Variants in LRRC2 observed in about 807,000 individuals in gnomAD.
LRRC2 encodes the protein leucine rich repeat containing 2, also known as leucine-rich repeat-containing protein 2.
Under a neutral mutation model 40.2 loss-of-function variants are expected in LRRC2, and 27 were observed. The observed-to-expected ratio is 0.67, with a 90% CI of 0.49 to 0.93. The LOEUF (loss-of-function observed/expected upper bound fraction) is 0.93, where lower values mean the gene tolerates loss of function less well. Ranked by LOEUF, LRRC2 falls within the 40% of genes least tolerant of loss-of-function variation. The pLI is 0.00. For missense variants in LRRC2, 402 were observed against 439.6 expected (o/e 0.91, Z 0.76); for synonymous variants, 147 against 158.9 (o/e 0.92, Z 0.56).
chr3:46,553,318 G>C (rs1184831736), intron 1 of LRRC2, among the ~76,000 whole-genome samples: 1 of 152,198 alleles, frequency 6.6e-6, no homozygotes, highest in African/African-American at 2.4e-5. Context: ...GCAAAGTCTT[G>C]CTAAATCCAT....
intron 4 of LRRC2, 21 bp downstream of exon 4, chr3:46,539,024 A>T: frequency 6.2e-7 from 1 of 1,610,670 alleles, no homozygotes; most frequent in East Asian, 2.2e-5. Flanking sequence ...AGGCCCGAAG[A>T]CCCCTGCTAA....
intron 2 of LRRC2, among the ~76,000 whole-genome samples, chr3:46,547,653 C>T (rs9846499): frequency 0.46 from 68,888 of 150,894 alleles, 16,273 homozygotes; most frequent in African/African-American, 0.55. Context: ...GAGACTTGTC[C>T]CAAAAAAATT....
chr3:46,544,442 G>C (rs7625793), intron 3 of LRRC2, among the ~76,000 whole-genome samples: 11,976 of 152,224 alleles, frequency 0.079, 560 homozygotes, highest in South Asian at 0.17. Context: ...CTGCACTCCA[G>C]CCTGGGTGAC....
At chr3:46,545,024 G>T (rs538789327) in intron 3 of LRRC2, 22 bp downstream of exon 3, 6 of 1,608,194 alleles carry the variant, frequency 3.7e-6, no homozygotes, top group Non-Finnish European at 3.4e-6. Context: ...CACTGCATTG[G>T]GCGAGAACTG....
rs950874229 is a variant in LRRC2 at position 46,530,035 on chromosome 3, G to T, written c.643C>A (p.Gln215Lys). 1 of 1,612,340 alleles carries T rather than the reference G, an allele frequency of 6.2e-7. No individual in the cohort carries two copies. The highest frequency in any genetic ancestry group is 8.5e-7 in the Non-Finnish European group (1 of 1,178,590). Residue 215 changes from glutamine to lysine, a missense_variant, in exon 6 of 9, where the codon CAA (glutamine) becomes AAA (lysine). Coordinates refer to ENST00000395905, the MANE Select transcript of LRRC2 (RefSeq NM_024512.5). Reference protein sequence around the residue: ...ELPFELSNLKQVTFVDISANK... With the variant: ...ELPFELSNLKKVTFVDISANK... ...GCTGAGATATCTACAAATGTAACTT[G>T]CTTCAAATTACTTAACTAGAAATGA...
chr3:46,532,642 T>A, intron 5 of LRRC2, 131 bp downstream of exon 5: 3 of 1,038,486 alleles, frequency 2.9e-6, no homozygotes, highest in Non-Finnish European at 4.2e-6. Flanking sequence ...TATACGGTGA[T>A]TGAAATGTCA....
chr3:46,529,908 T>G lies in LRRC2; in HGVS notation c.770A>C (p.Asp257Ala), dbSNP rs1353237362. ...ACCTTAGAATGCAAGTAGCTACCTG[T>G]CTATATCTTGCGGCAGGTCGGTCAG... Reference protein sequence around the residue: ...NNLTDLPQDIDRLEELQSFLL... With the variant: ...NNLTDLPQDIARLEELQSFLL... The change falls in exon 6 of 9, where the codon GAC becomes GCC. Residue 257 changes from aspartate to alanine, a missense_variant. Asp to Ala is a moderately radical substitution (Grantham distance 126). Transcript: ENST00000395905. 1.2e-6 allele frequency: 2 copies of G among 1,614,098 alleles called. No individual in the cohort carries two copies. Among genetic ancestry groups the G allele is most frequent in the Non-Finnish European group, 1.7e-6 (2 of 1,179,994 alleles).
chr3:46,533,687 T>C (rs1704199697), intron 4 of LRRC2, among the ~76,000 whole-genome samples: 1 of 151,812 alleles, frequency 6.6e-6, no homozygotes, highest in South Asian at 2.1e-4. Flanking sequence ...AGAATGTTTG[T>C]ATAGGTATTC....
chr3:46,541,804 T>G (rs1001896104), intron 3 of LRRC2, among the ~76,000 whole-genome samples: 1 of 152,050 alleles, frequency 6.6e-6, no homozygotes, highest in Non-Finnish European at 1.5e-5. Flanking sequence ...TCCCCACCAG[T>G]AGGAAGCTGA....
chr3:46,557,040 T>G (rs1049342166), intron 1 of LRRC2, among the ~76,000 whole-genome samples: 16 of 152,234 alleles, frequency 1.1e-4, no homozygotes, highest in Non-Finnish European at 4.4e-5. Context: ...TTCAGATTGG[T>G]AATGCCCAGT....
At position 46,517,007 on chromosome 3, in the gene LRRC2, T is replaced by G. The variant is rs1461138500; in HGVS notation, c.*2007A>C. Reference sequence around the variant, plus strand: ...TTTGGAGCACTCTCTCATGGGAATTTTCCATCAGGTCAAACCCAAGGCTGG... The same window carrying G: ...TTTGGAGCACTCTCTCATGGGAATTGTCCATCAGGTCAAACCCAAGGCTGG... On this transcript the variant is annotated 3_prime_UTR_variant, in exon 9 of 9. Coordinates refer to ENST00000395905, the MANE Select transcript of LRRC2 (RefSeq NM_024512.5). 1 of 152,234 alleles carries G rather than the reference T, an allele frequency of 6.6e-6. No homozygotes were observed. Among genetic ancestry groups the G allele is most frequent in the Non-Finnish European group, 1.5e-5 (1 of 68,046 alleles). 9.4% of individuals were successfully genotyped at this position (152,234 alleles called of 1,614,324 possible). A position where few individuals can be genotyped will look rare whatever the true frequency, so the allele number is the denominator to read the frequency against.
Position 46,544,984 on chromosome 3 carries a change from G to A in LRRC2, c.333+62C>T, listed in dbSNP as rs1704493614. 4 of 1,465,350 alleles carry A rather than the reference G, an allele frequency of 2.7e-6. No homozygotes were observed. The African/African-American group carries it at 5.6e-5, about 20-fold the overall frequency. The allele number at this position is 1,465,350 out of a possible 1,614,324, so 90.8% of individuals were successfully genotyped here. ...AAAGCATTCATTCATTCATCCTTGG[G>A]CTCAGGCGAGCAGCAGTCATCGACC... On this transcript the variant is annotated intron_variant, in intron 3 of 8. Coordinates refer to ENST00000395905, the MANE Select transcript of LRRC2 (RefSeq NM_024512.5).
At position 46,529,960 on chromosome 3, in the gene LRRC2, G is replaced by A; in HGVS notation, c.718C>T (p.Gln240Ter). 1 of 1,614,086 alleles carries A rather than the reference G, an allele frequency of 6.2e-7. No homozygotes were observed. The highest frequency in any genetic ancestry group is 8.5e-7 in the Non-Finnish European group (1 of 1,179,992). ...PICVLRMSNL[Q>*]WLDISSNNLT... Reference sequence around the variant, plus strand: ...TTATTGCTGCTGATATCCAACCACTGCAAATTCGACATCCGCAGGACACAG... The same window carrying A: ...TTATTGCTGCTGATATCCAACCACTACAAATTCGACATCCGCAGGACACAG... Residue 240 changes from glutamine to a stop codon, truncating the protein, a stop_gained, in exon 6 of 9, where the codon CAG becomes TAG. Transcript: ENST00000395905. LOFTEE classifies it high-confidence loss of function.
At chr3:46,533,950 G>A (rs749462946) in intron 4 of LRRC2, among the ~76,000 whole-genome samples, 2 of 140,626 alleles carry the variant, frequency 1.4e-5, no homozygotes, top group Non-Finnish European at 1.5e-5. Flanking sequence ...TGGGATACAT[G>A]TGCAGAACAT....
At chr3:46,530,261 C>A (rs1277651746) in intron 5 of LRRC2, among the ~76,000 whole-genome samples, 2 of 152,130 alleles carry the variant, frequency 1.3e-5, no homozygotes, top group Non-Finnish European at 2.9e-5. Context: ...CTGCGGCTGC[C>A]TTCCAGGATT....
chr3:46,539,311 C>A, intron 3 of LRRC2, 110 bp from the exon 4 acceptor site: 1 of 1,062,504 alleles, frequency 9.4e-7, no homozygotes, highest in Non-Finnish European at 1.4e-6. Context: ...GACACGAGAG[C>A]ATAAAACTTA....
intron 2 of LRRC2, among the ~76,000 whole-genome samples, chr3:46,549,125 T>C (rs146237541): frequency 1.2e-3 from 190 of 152,308 alleles, no homozygotes; most frequent in African/African-American, 4.3e-3. Flanking sequence ...ATATACTTCA[T>C]AACAACTACA....
At chr3:46,562,282 G>A (rs1226115364) in intron 1 of LRRC2, among the ~76,000 whole-genome samples, 1 of 152,124 alleles carries the variant, frequency 6.6e-6, no homozygotes, top group Non-Finnish European at 1.5e-5. Context: ...AGCCATGAGA[G>A]GGGGCTGTCT....
At chr3:46,521,359 T>C (rs1438896901) in intron 8 of LRRC2, among the ~76,000 whole-genome samples, 163 bp downstream of exon 8, 1 of 152,204 alleles carries the variant, frequency 6.6e-6, no homozygotes, top group Non-Finnish European at 1.5e-5. Flanking sequence ...TAAGGAAATG[T>C]ATCATTTGGA....
Sources: gnomAD v4.1 joint callset for allele counts (sites outside exome capture counted in the v4.1 genomes callset) on GRCh38, gnomAD v4.1.1 for gene constraint, MANE v1.5 for transcripts, NCBI Gene and HGNC (gene_info 2026-07-23, HGNC 2026-07-21) for gene names.